The following CTSZ variants were observed in gnomAD, a reference collection of about 807,000 sequenced individuals.
CTSZ encodes cathepsin Z, also known as carboxypeptidase LB.
CTSZ carries 39 observed loss-of-function variants against 32.4 expected under a neutral mutation model. The ratio of observed to expected loss-of-function variants is 1.20; its 90% confidence interval spans 0.93 to 1.57. The LOEUF is 1.57. Ranked by LOEUF, CTSZ falls within the 40% of genes most tolerant of loss-of-function variation. CTSZ has a pLI of 0.00. For missense variants in CTSZ, 397 were observed against 419.6 expected (o/e 0.95, Z 0.47); for synonymous variants, 168 against 170.1 (o/e 0.99, Z 0.10).
At position 58,996,720 on chromosome 20, in the gene CTSZ, G is replaced by A; in HGVS notation, c.720C>T (p.Asn240=). ...CCCACCCAGCCACAGAAACGACATG[G>A]TTTATATATGTGGTGTCCTGGTATT... ...YAEYQDTTYI[N]HVVSVAGWGI... The change falls in exon 5 of 6, where the codon AAC becomes AAT. Residue 240 remains asparagine, a synonymous_variant. Coordinates refer to ENST00000217131, the MANE Select transcript of CTSZ (RefSeq NM_001336.4). The A allele has an allele frequency of 2.5e-6, 4 of 1,614,128 alleles. No homozygotes were observed. Among genetic ancestry groups the A allele is most frequent in the Admixed American group, 1.7e-5 (1 of 60,020 alleles).
intron 3 of CTSZ, 108 bp from the exon 4 acceptor site, chr20:58,997,861 G>A: frequency 1.0e-6 from 1 of 991,256 alleles, no homozygotes; most frequent in Non-Finnish European, 1.4e-6. Context: ...CTACCACTCA[G>A]CAGCTAAGAA....
chr20:59,006,164 G>A, intron 2 of CTSZ, 158 bp downstream of exon 2: 1 of 952,626 alleles, frequency 1.0e-6, no homozygotes, highest in Non-Finnish European at 1.5e-6. Flanking sequence ...CACCTCAGCA[G>A]AGGGCAAAGG....
rs112768645 is a variant in CTSZ at position 59,001,263 on chromosome 20, C to T, written c.487+202G>A. On this transcript the variant is annotated intron_variant, in intron 3 of 5. Coordinates refer to ENST00000217131, the MANE Select transcript of CTSZ (RefSeq NM_001336.4). ...CAGAGGGGGCTTCTGCAGCGAGAGG[C>T]TGGAGCTGGCACTGGGAACACTACC... Among the ~76,000 whole-genome samples the T allele has an allele frequency of 6.4e-3, 979 of 152,306 alleles. 11 individuals carry two copies. Among genetic ancestry groups the T allele is most frequent in the African/African-American group, 0.022 (913 of 41,564 alleles).
Position 59,006,441 on chromosome 20 carries a change from G to A in CTSZ, c.188C>T (p.Pro63Leu), listed in dbSNP as rs1465965222. 6.2e-7 allele frequency: 1 copy of A among 1,613,946 alleles called. No homozygotes were observed. The highest frequency in any genetic ancestry group is 1.3e-5 in the African/African-American group (1 of 75,072). ...CACATTGCGCCAGTCCCAGCTCTTG[G>A]GCAGATCCGCTGGGGACAGGTACTC... The part of the protein sequence containing the change: ...PHEYLSPADL[P>L]KSWDWRNVDG... The change falls in exon 2 of 6, where the codon CCC becomes CTC. Residue 63 changes from proline (P) to leucine (L), a missense_variant. Coordinates refer to ENST00000217131, the MANE Select transcript of CTSZ (RefSeq NM_001336.4).
Position 59,001,405 on chromosome 20 carries a change from G to C in CTSZ, c.487+60C>G, listed in dbSNP as rs2091888382. 5 of 1,531,582 alleles carry C rather than the reference G, an allele frequency of 3.3e-6. No individual in the cohort carries two copies. In the African/African-American group the frequency reaches 4.1e-5, roughly 13 times the overall value. 94.9% of individuals were successfully genotyped at this position (1,531,582 alleles called of 1,614,324 possible). On this transcript the variant is annotated intron_variant, in intron 3 of 5. Transcript: ENST00000217131. ...TCAGGCTGGGTCCTCAGCCACGAAG[G>C]CCTGTGGAAGAGGGAGTGGAGGGCA...
At position 58,995,527 on chromosome 20, in the gene CTSZ, G is replaced by A. The variant is rs537622348; in HGVS notation, c.*122C>T. 3.1e-5 allele frequency: 25 copies of A among 812,904 alleles called. No individual in the cohort carries two copies. Among genetic ancestry groups the A allele is most frequent in the Admixed American group, 2.9e-4 (13 of 45,338 alleles). 50.4% of individuals were successfully genotyped at this position (812,904 alleles called of 1,614,324 possible). A position where few individuals can be genotyped will look rare whatever the true frequency, so the allele number is the denominator to read the frequency against. ...TCGCAGCCAGTGCCACGCTGTCCTCGCCATCCAATATTGATAGCCACCCCA... is the reference window on the plus strand; with the variant it reads ...TCGCAGCCAGTGCCACGCTGTCCTCACCATCCAATATTGATAGCCACCCCA... On this transcript the variant is annotated 3_prime_UTR_variant, in exon 6 of 6. Coordinates refer to ENST00000217131, the MANE Select transcript of CTSZ (RefSeq NM_001336.4).
chr20:58,996,872 T>A, intron 4 of CTSZ, 71 bp from the exon 5 acceptor site: 1 of 1,550,326 alleles, frequency 6.5e-7, no homozygotes, highest in Non-Finnish European at 8.8e-7. Context: ...AATAATCTGA[T>A]ATGGCTGGGC....
rs577385385 is a variant in CTSZ, at chr20:59,004,839, G to A, written c.307+1483C>T. 1.3e-5 allele frequency among the ~76,000 whole-genome samples: 2 copies of A among 152,130 alleles called. No individual in the cohort carries two copies. Among genetic ancestry groups the A allele is most frequent in the East Asian group, 1.9e-4 (1 of 5,162 alleles). On this transcript the variant is annotated intron_variant, in intron 2 of 5. Coordinates refer to ENST00000217131, the MANE Select transcript of CTSZ (RefSeq NM_001336.4). This position sits in a 1 kb window ranked among gnomAD's most constrained non-coding sequence, Gnocchi z 5.6. ...AGAAAGTGGGGTGAAGCAGTCATCC[G>A]CCCAGAGAGAGTCCCCTGGGGAAAT...
chr20:58,997,747 TCA>T lies in CTSZ; in HGVS notation c.492_493del (p.Cys164Ter), dbSNP rs2091868750. 1.9e-6 allele frequency: 3 copies of T among 1,604,926 alleles called. No homozygotes were observed. Among genetic ancestry groups the T allele is most frequent in the African/African-American group, 2.7e-5 (2 of 74,674 alleles). ...GCATGTCCCACATTGGTTAAACTTG[TCA>T]CACTCTGGGGGAGAGCAAGAAAAGT... On this transcript the variant is annotated stop_gained and frameshift_variant, in exon 4 of 6. Coordinates refer to ENST00000217131, the MANE Select transcript of CTSZ (RefSeq NM_001336.4). LOFTEE classifies it high-confidence loss of function.
At position 58,996,778 on chromosome 20, in the gene CTSZ, C is replaced by CT; in HGVS notation, c.661dup (p.Arg221LysfsTer4). The CT allele has an allele frequency of 1.2e-6, 2 of 1,614,126 alleles. No individual in the cohort carries two copies. The highest frequency in any genetic ancestry group is 8.5e-7 in the Non-Finnish European group (1 of 1,180,002). On this transcript the variant is annotated frameshift_variant, in exon 5 of 6. Transcript: ENST00000217131. LOFTEE classifies it high-confidence loss of function. The stretch of plus-strand genomic sequence containing the variant: ...GATGCCTCCGGTGTAGTTAGCCAGT[C>CT]TTTCTGTTGCCATTATTCCACAGCT...
At chr20:58,997,805 T>A in intron 3 of CTSZ, 52 bp from the exon 4 acceptor site, 1 of 1,505,910 alleles carries the variant, frequency 6.6e-7, no homozygotes, top group Non-Finnish European at 8.9e-7. Flanking sequence ...ATCAACCCAC[T>A]GACAAAGAAG....
intron 4 of CTSZ, 194 bp downstream of exon 4, chr20:58,997,409 T>TGG (rs2091866190): frequency 2.2e-6 from 1 of 448,560 alleles, no homozygotes; most frequent in Non-Finnish European, 3.9e-6. Flanking sequence ...GGAAATGATG[T>TGG]GGCTGTCTCG....
intron 1 of CTSZ, 83 bp from the exon 2 acceptor site, chr20:59,006,568 C>A: frequency 7.0e-7 from 1 of 1,434,852 alleles, no homozygotes; most frequent in Non-Finnish European, 9.4e-7. Context: ...AGGGCCCTCC[C>A]GCCTTTCCCA....
intron 5 of CTSZ, among the ~76,000 whole-genome samples, chr20:58,996,009 C>T (rs565315217): frequency 6.6e-6 from 1 of 152,346 alleles, no homozygotes; most frequent in South Asian, 2.1e-4. Context: ...TCTCACAAAA[C>T]ATGTTGACTC....
rs1413504556 is a variant in CTSZ at position 59,004,005 on chromosome 20, G to A, written c.307+2317C>T. On this transcript the variant is annotated intron_variant, in intron 2 of 5. Coordinates refer to ENST00000217131, the MANE Select transcript of CTSZ (RefSeq NM_001336.4). The surrounding 1 kb of genome is among the most constrained non-coding windows in gnomAD (Gnocchi z 5.6). ...TGGCTTAGACCTGGAGGAGGCGGTG[G>A]GCGGTGCGTGATTTCTGCATCTGCT... 2.0e-5 allele frequency among the ~76,000 whole-genome samples: 3 copies of A among 152,208 alleles called. No individual in the cohort carries two copies.
Position 59,006,311 on chromosome 20 carries a change from C to A in CTSZ, c.307+11G>T. The stretch of plus-strand genomic sequence containing the variant: ...GCTTTCCTGGCCCACAGTCAAAGGG[C>A]GGCCACTCACCCGCCATAGCGCTGG... On this transcript the variant is annotated intron_variant, in intron 2 of 5. Coordinates refer to ENST00000217131, the MANE Select transcript of CTSZ (RefSeq NM_001336.4). 1.9e-6 allele frequency: 3 copies of A among 1,593,372 alleles called. No individual in the cohort carries two copies. The highest frequency in any genetic ancestry group is 1.1e-5 in the South Asian group (1 of 89,174).
chr20:59,006,688 C>T (rs770268470), intron 1 of CTSZ, among the ~76,000 whole-genome samples: 8 of 152,192 alleles, frequency 5.3e-5, no homozygotes, highest in African/African-American at 1.7e-4. Context: ...AGGCAGGGCA[C>T]CCCCGAAAGG....
At position 59,001,454 on chromosome 20, in the gene CTSZ, C is replaced by T. The variant is rs1469931689; in HGVS notation, c.487+11G>A. 1.3e-6 allele frequency: 2 copies of T among 1,599,952 alleles called. No individual in the cohort carries two copies. Among genetic ancestry groups the T allele is most frequent in the Non-Finnish European group, 1.7e-6 (2 of 1,169,744 alleles). On this transcript the variant is annotated intron_variant, in intron 3 of 5. Transcript: ENST00000217131. ...CAGGAGGGTGGAGTGGGGGCACGGG[C>T]AGCAGCCTACCCTGGTCCTTGGCCT...
chr20:58,999,315 T>C (rs1016613843), intron 3 of CTSZ, among the ~76,000 whole-genome samples: 1 of 152,082 alleles, frequency 6.6e-6, no homozygotes, highest in African/African-American at 2.4e-5. Flanking sequence ...GGATTACAGG[T>C]GTGAGCCACC....
Sources: gnomAD v4.1 joint callset for allele counts (sites outside exome capture counted in the v4.1 genomes callset) on GRCh38, gnomAD v4.1.1 for gene constraint, Gnocchi (gnomAD v3.1) non-coding constraint, MANE v1.5 for transcripts, NCBI Gene and HGNC (gene_info 2026-07-23, HGNC 2026-07-21) for gene names.